The following DNPEP variants were observed in gnomAD, a reference collection of about 807,000 sequenced individuals.
The protein encoded by DNPEP is aspartyl aminopeptidase.
A neutral mutation model predicts 59.1 loss-of-function variants in DNPEP; 46 were observed. The observed-to-expected ratio is 0.78, with a 90% confidence interval of 0.61 to 0.99. The LOEUF is 0.99. DNPEP is among the 50% of genes least tolerant of loss of function. The probability of loss-of-function intolerance (pLI) is 0.00; values close to 1 mark genes in which losing one functional copy is unlikely to be tolerated. For missense variants in DNPEP, 617 were observed against 649.9 expected, an observed-to-expected ratio of 0.95 and a Z score of 0.55; for synonymous variants, 229 against 242.2, an observed-to-expected ratio of 0.95 and a Z score of 0.50.
Position 219,386,727 on chromosome 2 carries a change from GGCCCCCTACA to G in DNPEP, c.261_270del (p.Val88SerfsTer22). On this transcript the variant is annotated frameshift_variant, in exon 4 of 15. Transcript: ENST00000273075. LOFTEE classifies it high-confidence loss of function. ...CTGAAGCCATTGCCAGGAACGTACTGGCCCCCTACAGCAAAAGCTATGATGGTGGAGGAGT... is the reference window on the plus strand; with the variant it reads ...CTGAAGCCATTGCCAGGAACGTACTGGCAAAAGCTATGATGGTGGAGGAGT... 3.1e-5 allele frequency: 50 copies of G among 1,613,196 alleles called. No individual in the cohort carries two copies. The highest frequency in any genetic ancestry group is 4.1e-5 in the Non-Finnish European group (48 of 1,179,804).
Position 219,387,908 on chromosome 2 carries a change from G to T in DNPEP, c.-114C>A, listed in dbSNP as rs897901926. ...CGCCGCACTCGTAGGCCTTCATCAC[G>T]CTTCCCCGGCCGCGCCGCCCCGCCC... On this transcript the variant is annotated 5_prime_UTR_variant, in exon 1 of 15. Transcript: ENST00000273075. 46 of 1,366,172 alleles carry T rather than the reference G, an allele frequency of 3.4e-5. No individual in the cohort carries two copies. The African/African-American group carries it at 6.0e-4, about 18-fold the overall frequency. 84.6% of individuals were successfully genotyped at this position (1,366,172 alleles called of 1,614,324 possible).
intron 13 of DNPEP, among the ~76,000 whole-genome samples, chr2:219,378,523 G>A (rs537468091): frequency 6.6e-6 from 1 of 152,036 alleles, no homozygotes; most frequent in Non-Finnish European, 1.5e-5. Context: ...AAAGAGCCCT[G>A]GGCTGGGAGT....
intron 10 of DNPEP, 43 bp from the exon 11 acceptor site, chr2:219,382,182 G>C (rs747667693): frequency 2.5e-6 from 4 of 1,585,548 alleles, no homozygotes; most frequent in Middle Eastern, 1.7e-4. Flanking sequence ...TGGGCTTAGG[G>C]GCCTGATCTT....
At chr2:219,387,681 G>A (rs1953909228) in intron 1 of DNPEP, 78 bp downstream of exon 1, 3 of 1,593,360 alleles carry the variant, frequency 1.9e-6, no homozygotes, top group African/African-American at 1.3e-5. Flanking sequence ...CTGCAGCACC[G>A]CGCTAAGCTT....
chr2:219,388,557 C>G (rs896745853), upstream of DNPEP: 1 of 306,700 alleles, frequency 3.3e-6, no homozygotes, highest in Non-Finnish European at 4.8e-6. Flanking sequence ...AGGCCCCGCC[C>G]TGCACCCCCG....
chr2:219,385,578 C>T (rs1302258496), intron 7 of DNPEP, 47 bp from the exon 8 acceptor site: 2 of 1,609,330 alleles, frequency 1.2e-6, no homozygotes, highest in Non-Finnish European at 1.7e-6. Flanking sequence ...TCCTCTCCTC[C>T]CCACTTCTCA....
chr2:219,382,282 G>T, intron 10 of DNPEP, 143 bp from the exon 11 acceptor site: 2 of 895,480 alleles, frequency 2.2e-6, no homozygotes, highest in Non-Finnish European at 1.7e-6. Flanking sequence ...ACCTGGGGTC[G>T]TCACTGAACA....
intron 1 of DNPEP, 181 bp from the exon 2 acceptor site, chr2:219,387,344 C>G: frequency 1.4e-6 from 2 of 1,444,522 alleles, no homozygotes; most frequent in Non-Finnish European, 9.1e-7. Flanking sequence ...AAAGCTTCAG[C>G]CCGCCGGCCC....
Position 219,386,276 on chromosome 2 carries a change from C to T in DNPEP, c.459+10G>A, listed in dbSNP as rs185790425. 158 of 1,614,184 alleles carry T rather than the reference C, an allele frequency of 9.8e-5. No homozygotes were observed. Among genetic ancestry groups the T allele is most frequent in the Admixed American group, 1.2e-4 (7 of 60,026 alleles). On this transcript the variant is annotated intron_variant, in intron 5 of 14. Transcript: ENST00000273075. ...GAGGAGGCTCCGCCATCCCCAACCT[C>T]GGTTCCCACCTTGACAATGACGCGT...
At chr2:219,388,279 A>T (rs1953941232), upstream of DNPEP, among the ~76,000 whole-genome samples, 1 of 69,822 alleles carries the variant, frequency 1.4e-5, no homozygotes. Context: ...CCCTCGCTGT[A>T]CCCCACTACT....
intron 13 of DNPEP, among the ~76,000 whole-genome samples, chr2:219,375,259 G>T (rs1171610780): frequency 1.3e-5 from 2 of 151,964 alleles, no homozygotes; most frequent in African/African-American, 4.8e-5. Context: ...GCAGGAAGGG[G>T]GATTTTTAAA....
At chr2:219,399,724 T>A in intron 1 of DNPEP, 1 of 675,774 alleles carries the variant, frequency 1.5e-6, no homozygotes, top group Non-Finnish European at 2.6e-6. Context: ...GTCTGGTTTG[T>A]TAGCAGACTG....
intron 1 of DNPEP, among the ~76,000 whole-genome samples, chr2:219,396,239 G>C (rs1479170158): frequency 6.6e-6 from 1 of 152,142 alleles, no homozygotes; most frequent in Non-Finnish European, 1.5e-5. Context: ...CTCTAACCAT[G>C]ATAAAGTTAG....
intron 9 of DNPEP, among the ~76,000 whole-genome samples, chr2:219,383,890 C>T (rs185335005): frequency 6.6e-6 from 1 of 152,138 alleles, no homozygotes; most frequent in African/African-American, 2.4e-5. Flanking sequence ...AGGGAACTGA[C>T]TAGGGTGGAG....
In DNPEP at chr2:219,385,958, C is replaced by G. The variant is rs773443381; in HGVS notation, c.590+10G>C. ...CCCTCCCAGCCACCGCAGCCCTGCC[C>G]CAGTCTCACAGATGCATCTCTGTGT... On this transcript the variant is annotated intron_variant, in intron 6 of 14. Transcript: ENST00000273075. The G allele has an allele frequency of 1.1e-5, 18 of 1,613,868 alleles. No individual in the cohort carries two copies. Among genetic ancestry groups the G allele is most frequent in the Admixed American group, 1.7e-5 (1 of 60,000 alleles).
intron 13 of DNPEP, among the ~76,000 whole-genome samples, chr2:219,380,611 A>G (rs528767001): frequency 6.6e-6 from 1 of 152,224 alleles, no homozygotes; most frequent in East Asian, 1.9e-4. Context: ...ACAGGTTTGT[A>G]GCCTAGGAGC....
In DNPEP at chr2:219,374,026, C is replaced by T; in HGVS notation, c.*266G>A. On this transcript the variant is annotated 3_prime_UTR_variant, in exon 15 of 15. Coordinates refer to ENST00000273075, the MANE Select transcript of DNPEP (RefSeq NM_012100.4). ...GAGGATCCAGTCCACCCTTCACCCA[C>T]TTCAGACATGGACTTGAGACAGAGA... The T allele has an allele frequency of 2.2e-6, 1 of 451,328 alleles. No individual in the cohort carries two copies. Among genetic ancestry groups the T allele is most frequent in the Non-Finnish European group, 4.0e-6 (1 of 249,838 alleles). The allele number at this position is 451,328 out of a possible 1,614,324, so 28.0% of individuals were successfully genotyped here.
upstream of DNPEP, among the ~76,000 whole-genome samples, chr2:219,390,191 C>T (rs182603860): frequency 4.0e-3 from 606 of 152,270 alleles, 6 homozygotes; most frequent in Middle Eastern, 0.01. Flanking sequence ...GCTATTACTG[C>T]TGCTAGACAA....
At chr2:219,379,465 GTT>G (rs1028335872) in intron 13 of DNPEP, among the ~76,000 whole-genome samples, 39 of 152,054 alleles carry the variant, frequency 2.6e-4, no homozygotes, top group African/African-American at 8.7e-4. Flanking sequence ...TAACCAAAAA[GTT>G]TAAAAATTTT....
Sources: allele counts gnomAD v4.1 joint callset (sites outside exome capture counted in the v4.1 genomes callset), GRCh38; gene constraint gnomAD v4.1.1; transcripts MANE v1.5; gene names NCBI Gene and HGNC (gene_info 2026-07-23, HGNC 2026-07-21).